Variants in CMSS1 observed in about 807,000 individuals in gnomAD.
CMSS1 encodes protein CMSS1.
A neutral mutation model predicts 43.5 loss-of-function variants in CMSS1; 33 were observed. That is an observed-to-expected ratio of 0.76 (90% CI 0.57 to 1.01). The LOEUF is 1.01. Ranked by LOEUF, CMSS1 falls within the 50% of genes least tolerant of loss-of-function variation. The pLI is 0.00. For missense variants in CMSS1, 313 were observed against 326.4 expected, an observed-to-expected ratio of 0.96 and a Z score of 0.32; for synonymous variants, 115 against 117.2, an observed-to-expected ratio of 0.98 and a Z score of 0.12.
At chr3:100,065,864 T>A (rs908438658) in intron 1 of CMSS1, among the ~76,000 whole-genome samples, 1 of 152,242 alleles carries the variant, frequency 6.6e-6, no homozygotes, top group Non-Finnish European at 1.5e-5. Context: ...CTGTGTTCTA[T>A]GCTGTAAGGT....
chr3:100,133,277 TATA>T (rs1370833250), intron 1 of CMSS1, among the ~76,000 whole-genome samples: 1 of 152,158 alleles, frequency 6.6e-6, no homozygotes, highest in Non-Finnish European at 1.5e-5. Context: ...ATACTCATAA[TATA>T]ATATTAAAGG....
At chr3:100,142,395 A>G (rs972262710) in intron 1 of CMSS1, among the ~76,000 whole-genome samples, 2 of 152,218 alleles carry the variant, frequency 1.3e-5, no homozygotes, top group Non-Finnish European at 2.9e-5. Context: ...CATAGTATTT[A>G]TATTGTATCA....
At chr3:100,012,136 A>G (rs1710174408) in intron 1 of CMSS1, among the ~76,000 whole-genome samples, 1 of 152,200 alleles carries the variant, frequency 6.6e-6, no homozygotes, top group Non-Finnish European at 1.5e-5. Context: ...GCAAAATGAA[A>G]TATTTGTTAA....
intron 3 of CMSS1, 52 bp downstream of exon 3, chr3:100,160,553 A>G: frequency 1.2e-6 from 1 of 845,316 alleles, no homozygotes; most frequent in Non-Finnish European, 1.9e-6. Flanking sequence ...TTTCCATCAC[A>G]TTTTTATATA....
At position 99,953,553 on chromosome 3, in the gene CMSS1, G is replaced by A. The variant is rs552704777; in HGVS notation, c.64+135510G>A. 1.1e-3 allele frequency among the ~76,000 whole-genome samples: 166 copies of A among 152,196 alleles called. 1 individual carries two copies. The highest frequency in any genetic ancestry group is 3.9e-3 in the African/African-American group (162 of 41,494). On this transcript the variant is annotated intron_variant, in intron 1 of 9. Coordinates refer to ENST00000421999, the MANE Select transcript of CMSS1 (RefSeq NM_032359.4). ...CGTTGGACCATTTTACCTTTGAATGGGGTCCTAAATCCTTGCATTTTTAAA... is the reference window on the plus strand; with the variant it reads ...CGTTGGACCATTTTACCTTTGAATGAGGTCCTAAATCCTTGCATTTTTAAA...
At chr3:99,886,751 C>G (rs1330941202) in intron 1 of CMSS1, among the ~76,000 whole-genome samples, 1 of 147,192 alleles carries the variant, frequency 6.8e-6, no homozygotes, top group East Asian at 2.0e-4. Flanking sequence ...GTTAGGAGTT[C>G]GAGACCAGCT....
intron 1 of CMSS1, among the ~76,000 whole-genome samples, chr3:100,060,625 C>T (rs1167251137): frequency 6.6e-6 from 1 of 152,044 alleles, no homozygotes; most frequent in African/African-American, 2.4e-5. Context: ...GAGGCTGAAG[C>T]AGACAGATAC....
chr3:100,177,251 G>GT (rs2067155052), intron 9 of CMSS1, among the ~76,000 whole-genome samples: 1 of 152,114 alleles, frequency 6.6e-6, no homozygotes, highest in South Asian at 2.1e-4. Flanking sequence ...ATCAGTTCAG[G>GT]TTAAAAAACA....
At chr3:100,156,448 A>T (rs1420445045) in intron 2 of CMSS1, among the ~76,000 whole-genome samples, 1 of 151,648 alleles carries the variant, frequency 6.6e-6, no homozygotes, top group Non-Finnish European at 1.5e-5. Flanking sequence ...AGCTGGGATT[A>T]CAGGCGTGCG....
At chr3:99,899,287 T>C (rs1706360152) in intron 1 of CMSS1, among the ~76,000 whole-genome samples, 1 of 152,246 alleles carries the variant, frequency 6.6e-6, no homozygotes, top group Non-Finnish European at 1.5e-5. Flanking sequence ...AAGCAGATTT[T>C]TGGTTTCCAA....
chr3:100,070,822 G>A (rs943609420), intron 1 of CMSS1, among the ~76,000 whole-genome samples: 5 of 152,046 alleles, frequency 3.3e-5, no homozygotes, highest in African/African-American at 1.2e-4. Flanking sequence ...GTAGAGACCG[G>A]GTCTCACCAT....
In CMSS1 at chr3:99,907,108, A is replaced by T. The variant is rs184936819; in HGVS notation, c.64+89065A>T. Among the ~76,000 whole-genome samples the T allele has an allele frequency of 8.3e-4, 127 of 152,356 alleles. 1 individual carries two copies. The highest frequency in any genetic ancestry group is 2.1e-3 in the East Asian group (11 of 5,192). On this transcript the variant is annotated intron_variant, in intron 1 of 9. Coordinates refer to ENST00000421999, the MANE Select transcript of CMSS1 (RefSeq NM_032359.4). ...GTTATTTAGACTTCAACAAATACAC[A>T]GAGTTGGTTAGCATATACTGGAAGC...
chr3:99,950,658 T>C (rs1213571848), intron 1 of CMSS1, among the ~76,000 whole-genome samples: 1 of 152,142 alleles, frequency 6.6e-6, no homozygotes, highest in Non-Finnish European at 1.5e-5. Flanking sequence ...AATATTCGCC[T>C]CCCCAGACAG....
At chr3:99,966,648 A>G (rs753728899) in intron 1 of CMSS1, among the ~76,000 whole-genome samples, 10 of 152,220 alleles carry the variant, frequency 6.6e-5, no homozygotes, top group Non-Finnish European at 1.3e-4. Context: ...CCACATTTAC[A>G]TGGCATTTTC....
intron 5 of CMSS1, 73 bp downstream of exon 5, chr3:100,166,467 G>T: frequency 1.9e-6 from 2 of 1,052,160 alleles, no homozygotes; most frequent in Non-Finnish European, 1.5e-6. Flanking sequence ...TTAGGTTTTG[G>T]TCTCGTTTTT....
intron 1 of CMSS1, chr3:99,876,134 G>T: frequency 1.0e-6 from 1 of 986,306 alleles, no homozygotes; most frequent in South Asian, 4.6e-5. Flanking sequence ...GCCGCGCTGC[G>T]AGCCGACTGT....
At chr3:99,937,995 CAAAT>C (rs1707734301) in intron 1 of CMSS1, among the ~76,000 whole-genome samples, 1 of 152,052 alleles carries the variant, frequency 6.6e-6, no homozygotes, top group African/African-American at 2.4e-5. Flanking sequence ...ATAGCAAAGA[CAAAT>C]AAATTAATAT....
In CMSS1 at chr3:100,109,246, G is replaced by A. The variant is rs1035353584; in HGVS notation, c.65-37727G>A. ...AAAAAAAATTTTTCAATGAAAATCT[G>A]CAAGAATTCCATACAACACCAAAGC... On this transcript the variant is annotated intron_variant, in intron 1 of 9. Coordinates refer to ENST00000421999, the MANE Select transcript of CMSS1 (RefSeq NM_032359.4). 2.6e-5 allele frequency among the ~76,000 whole-genome samples: 4 copies of A among 152,104 alleles called. No homozygotes were observed. In the East Asian group the frequency reaches 7.7e-4, roughly 29 times the overall value.
At chr3:100,121,708 A>G in intron 1 of CMSS1, among the ~76,000 whole-genome samples, 1 of 152,132 alleles carries the variant, frequency 6.6e-6, no homozygotes, top group East Asian at 1.9e-4. Flanking sequence ...AGGAATCGCC[A>G]CACTGTCTTC....
Sources: gnomAD v4.1 joint callset for allele counts (sites outside exome capture counted in the v4.1 genomes callset) on GRCh38, gnomAD v4.1.1 for gene constraint, MANE v1.5 for transcripts, NCBI Gene and HGNC (gene_info 2026-07-23, HGNC 2026-07-21) for gene names.